The following TAFA2 variants were observed in gnomAD, a reference collection of about 807,000 sequenced individuals.
TAFA2 encodes TAFA chemokine like family member 2.
TAFA2 carries 7 observed loss-of-function variants against 18.8 expected under a neutral mutation model. The ratio of observed to expected loss-of-function variants is 0.37; its 90% CI spans 0.21 to 0.70. TAFA2 has a LOEUF of 0.70. Ranked by LOEUF, TAFA2 falls within the 30% of genes least tolerant of loss-of-function variation. The probability of loss-of-function intolerance (pLI) is 0.53; values close to 1 mark genes in which losing one functional copy is unlikely to be tolerated. For synonymous variants in TAFA2, 60 were observed against 54.2 expected (o/e 1.11, Z -0.47); for missense variants, 122 against 158.1 (o/e 0.77, Z 1.23).
intron 4 of TAFA2, among the ~76,000 whole-genome samples, chr12:61,725,014 T>C (rs1041638691): frequency 6.6e-6 from 1 of 151,896 alleles, no homozygotes; most frequent in African/African-American, 2.4e-5. Flanking sequence ...GGCCATTCCA[T>C]TGTGGTTTTG....
At chr12:61,711,865 T>C (rs1869425705) in intron 4 of TAFA2, among the ~76,000 whole-genome samples, 1 of 152,064 alleles carries the variant, frequency 6.6e-6, no homozygotes, top group South Asian at 2.1e-4. Context: ...ATCTTTGAGA[T>C]TCTGGGAGCA....
intron 1 of TAFA2, among the ~76,000 whole-genome samples, chr12:62,112,438 C>T (rs1266792098): frequency 6.6e-6 from 1 of 152,100 alleles, no homozygotes; most frequent in Non-Finnish European, 1.5e-5. Flanking sequence ...TTCATTTCAA[C>T]CTTGGTTAAT....
intron 1 of TAFA2, among the ~76,000 whole-genome samples, chr12:62,143,445 G>A (rs2062254681): frequency 6.6e-6 from 1 of 152,260 alleles, no homozygotes; most frequent in East Asian, 1.9e-4. Context: ...TTTTTCCCCT[G>A]CTGAAATTCT....
chr12:62,160,301 T>C (rs934525232), intron 1 of TAFA2, among the ~76,000 whole-genome samples: 1 of 152,186 alleles, frequency 6.6e-6, no homozygotes, highest in South Asian at 2.1e-4. Context: ...TTGAGGCAGC[T>C]CATGGGAGAA....
intron 1 of TAFA2, among the ~76,000 whole-genome samples, chr12:62,017,453 C>A (rs1485211408): frequency 1.3e-5 from 2 of 152,104 alleles, no homozygotes; most frequent in Non-Finnish European, 2.9e-5. Context: ...GCAGCTACTG[C>A]AATACGCACA....
chr12:62,015,600 A>G (rs919836488), intron 1 of TAFA2, among the ~76,000 whole-genome samples: 8 of 152,216 alleles, frequency 5.3e-5, no homozygotes, highest in Admixed American at 5.2e-4. Flanking sequence ...TATAGTGGTG[A>G]GCAGAGTAGA....
chr12:61,762,056 G>A (rs1470457422), intron 2 of TAFA2, among the ~76,000 whole-genome samples: 1 of 152,078 alleles, frequency 6.6e-6, no homozygotes, highest in Non-Finnish European at 1.5e-5. Context: ...ATGATTGATT[G>A]TAAGTTTCCT....
intron 1 of TAFA2, chr12:62,258,345 G>A (rs1192582281): frequency 6.6e-6 from 1 of 152,184 alleles, no homozygotes; most frequent in Non-Finnish European, 1.5e-5. Flanking sequence ...GCTGCCTTGA[G>A]CATGGTGCAA....
intron 2 of TAFA2, among the ~76,000 whole-genome samples, chr12:61,802,374 G>C (rs1871435081): frequency 6.6e-6 from 1 of 151,976 alleles, no homozygotes; most frequent in South Asian, 2.1e-4. Flanking sequence ...CCATCAATGG[G>C]TGAATGGATA....
intron 2 of TAFA2, among the ~76,000 whole-genome samples, chr12:61,788,595 A>C (rs1157339621): frequency 1.3e-5 from 2 of 151,738 alleles, no homozygotes; most frequent in Admixed American, 1.3e-4. Context: ...AACCCATACA[A>C]AACATCAACG....
chr12:62,176,502 T>G (rs1225796213), intron 1 of TAFA2, among the ~76,000 whole-genome samples: 4 of 152,250 alleles, frequency 2.6e-5, no homozygotes, highest in Non-Finnish European at 4.4e-5. Flanking sequence ...GAGTTTAAAT[T>G]CCAGAAAAAG....
At chr12:62,113,436 T>C (rs899653714) in intron 1 of TAFA2, among the ~76,000 whole-genome samples, 1 of 152,140 alleles carries the variant, frequency 6.6e-6, no homozygotes, top group African/African-American at 2.4e-5. Context: ...TGCTGAGAAG[T>C]GTCTCCCAGT....
At chr12:62,122,789 C>T in intron 1 of TAFA2, among the ~76,000 whole-genome samples, 1 of 152,144 alleles carries the variant, frequency 6.6e-6, no homozygotes, top group East Asian at 1.9e-4. Flanking sequence ...TGAGAAACAC[C>T]ATTCACACTG....
chr12:62,209,647 A>C (rs2062705566), intron 1 of TAFA2, among the ~76,000 whole-genome samples: 1 of 152,178 alleles, frequency 6.6e-6, no homozygotes, highest in Non-Finnish European at 1.5e-5. Flanking sequence ...GCAATACCTA[A>C]TTATGTTCAT....
chr12:61,833,606 C>A (rs12321503), intron 2 of TAFA2, among the ~76,000 whole-genome samples: 1 of 151,840 alleles, frequency 6.6e-6, no homozygotes, highest in East Asian at 1.9e-4. Context: ...CAACTTAAAT[C>A]GTGTAACTTC....
chr12:61,978,756 C>T (rs2136674124), intron 1 of TAFA2, among the ~76,000 whole-genome samples: 1 of 152,124 alleles, frequency 6.6e-6, no homozygotes, highest in African/African-American at 2.4e-5. Flanking sequence ...GACAAGAAGC[C>T]CCTCCCAGGC....
chr12:61,708,867 T>C lies in TAFA2; in HGVS notation c.*1539A>G, dbSNP rs10747942. 131,117 of 152,152 alleles carry C rather than the reference T, an allele frequency of 0.86. 56,531 individuals carry two copies. Among genetic ancestry groups the C allele is most frequent in the African/African-American group, 0.9 (37,304 of 41,558 alleles). 9.4% of individuals were successfully genotyped at this position (152,152 alleles called of 1,614,324 possible). On this transcript the variant is annotated 3_prime_UTR_variant, in exon 5 of 5. Transcript: ENST00000416284. ...AAGCTCCCCAGGATATATGGGCCTC[T>C]ATCCTGGAAACCAACGTATGTCTAA...
intron 1 of TAFA2, among the ~76,000 whole-genome samples, chr12:62,005,106 A>G (rs148517747): frequency 8.3e-4 from 126 of 152,200 alleles, no homozygotes; most frequent in Non-Finnish European, 6.5e-4. Flanking sequence ...ATAGAAAGCT[A>G]ATGTGTAAGA....
intron 1 of TAFA2, among the ~76,000 whole-genome samples, chr12:62,065,838 A>C (rs1882471947): frequency 6.6e-6 from 1 of 152,064 alleles, no homozygotes; most frequent in South Asian, 2.1e-4. Flanking sequence ...AAATAATAAA[A>C]GAAAAGTGGT....
Sources: gnomAD v4.1 joint callset for allele counts (sites outside exome capture counted in the v4.1 genomes callset) on GRCh38, gnomAD v4.1.1 for gene constraint, MANE v1.5 for transcripts, NCBI Gene and HGNC (gene_info 2026-07-23, HGNC 2026-07-21) for gene names.